Variants in EPB41L5 observed in about 807,000 individuals in gnomAD.
The protein encoded by EPB41L5 is erythrocyte membrane protein band 4.1 like 5.
A neutral mutation model predicts 106.6 loss-of-function variants in EPB41L5; 55 were observed. That is an observed-to-expected ratio of 0.52 (90% confidence interval 0.42 to 0.65). The LOEUF (loss-of-function observed/expected upper bound fraction) is 0.65. Ranked by LOEUF, EPB41L5 falls within the 30% of genes least tolerant of loss-of-function variation. The pLI, the probability that EPB41L5 is intolerant of heterozygous loss-of-function variation, is 0.00. For missense variants in EPB41L5, 871 were observed against 882.1 expected (o/e 0.99, Z 0.16); for synonymous variants, 297 against 306.7 (o/e 0.97, Z 0.33).
At chr2:120,074,207 G>T (rs759218381) in intron 5 of EPB41L5, 29 bp downstream of exon 5, 5 of 1,540,116 alleles carry the variant, frequency 3.2e-6, no homozygotes, top group Non-Finnish European at 4.5e-6. Context: ...ATTGTGCCAG[G>T]GTTATTTTGA....
At chr2:120,079,415 C>T (rs745968356) in intron 10 of EPB41L5, among the ~76,000 whole-genome samples, 1 of 152,176 alleles carries the variant, frequency 6.6e-6, no homozygotes, top group Admixed American at 6.5e-5. Flanking sequence ...TCAGATCCCT[C>T]ACACTTAACT....
intron 20 of EPB41L5, among the ~76,000 whole-genome samples, chr2:120,160,042 AAAAC>A (rs1241225294): frequency 2.6e-5 from 4 of 152,202 alleles, no homozygotes; most frequent in African/African-American, 9.6e-5. Flanking sequence ...ATAGAGGTGA[AAAAC>A]AGACAGTGGA....
intron 1 of EPB41L5, among the ~76,000 whole-genome samples, chr2:120,018,154 A>G (rs186770932): frequency 2.6e-5 from 4 of 151,374 alleles, no homozygotes; most frequent in African/African-American, 9.7e-5. Flanking sequence ...TTTTTAGTAG[A>G]GACGGGGTTT....
At chr2:120,141,332 A>G (rs992505848) in intron 18 of EPB41L5, among the ~76,000 whole-genome samples, 6 of 152,106 alleles carry the variant, frequency 3.9e-5, no homozygotes, top group African/African-American at 1.4e-4. Flanking sequence ...TCCCAGGTCT[A>G]TTATGCTAAT....
At chr2:120,039,221 G>A (rs188751774) in intron 2 of EPB41L5, among the ~76,000 whole-genome samples, 19 of 152,104 alleles carry the variant, frequency 1.2e-4, no homozygotes, top group African/African-American at 2.2e-4. Context: ...TACATGGGAT[G>A]GGCAAATTCT....
chr2:120,021,337 C>CA (rs57239546), intron 2 of EPB41L5, among the ~76,000 whole-genome samples: 15 of 148,828 alleles, frequency 1.0e-4, no homozygotes, highest in Admixed American at 4.7e-4. Flanking sequence ...GACTCCGTCT[C>CA]AAAAAAAAAG....
intron 16 of EPB41L5, among the ~76,000 whole-genome samples, chr2:120,116,979 A>T (rs1339194500): frequency 6.6e-6 from 1 of 152,208 alleles, no homozygotes. Flanking sequence ...AAAATAATAA[A>T]AACATCTTGG....
intron 3 of EPB41L5, among the ~76,000 whole-genome samples, chr2:120,071,638 A>G (rs769031504): frequency 2.6e-5 from 4 of 152,180 alleles, no homozygotes; most frequent in Non-Finnish European, 2.9e-5. Flanking sequence ...ATCCACAACC[A>G]TCTTATCTTT....
At chr2:120,139,766 A>G (rs546900388) in intron 18 of EPB41L5, among the ~76,000 whole-genome samples, 5 of 151,840 alleles carry the variant, frequency 3.3e-5, no homozygotes, top group Admixed American at 1.3e-4. Flanking sequence ...GAGTGCCTCA[A>G]AAACCCAAAA....
chr2:120,168,070 A>G, intron 24 of EPB41L5, 63 bp downstream of exon 24: 2 of 1,544,902 alleles, frequency 1.3e-6, no homozygotes, highest in South Asian at 2.3e-5. Context: ...AAATAATAAA[A>G]CTTATTATCT....
At chr2:120,084,492 C>T (rs1682918412) in intron 10 of EPB41L5, among the ~76,000 whole-genome samples, 1 of 152,194 alleles carries the variant, frequency 6.6e-6, no homozygotes, top group Non-Finnish European at 1.5e-5. Context: ...GCCGAGAGAT[C>T]TGCTGTTAGT....
chr2:120,025,576 A>C (rs192168079), intron 2 of EPB41L5, among the ~76,000 whole-genome samples: 1 of 152,216 alleles, frequency 6.6e-6, no homozygotes, highest in Admixed American at 6.5e-5. Flanking sequence ...AACAATTTTT[A>C]TATACCTACT....
chr2:120,074,294 A>G (rs1270721574), intron 5 of EPB41L5, 116 bp downstream of exon 5: 24 of 670,848 alleles, frequency 3.6e-5, no homozygotes, highest in Non-Finnish European at 6.0e-5. Context: ...CCCTGGTAAC[A>G]AGACCTCAAA....
intron 3 of EPB41L5, among the ~76,000 whole-genome samples, chr2:120,048,617 A>AT (rs905675217): frequency 7.7e-4 from 117 of 151,276 alleles, no homozygotes; most frequent in African/African-American, 2.5e-3. Flanking sequence ...GCATTGATTG[A>AT]TTTTTTTGAA....
rs373291353 is a variant in EPB41L5, at chr2:120,061,413, C to T, written c.286-11765C>T. Among the ~76,000 whole-genome samples, 3 of 151,382 alleles carry T rather than the reference C, an allele frequency of 2.0e-5. No individual in the cohort carries two copies. In the South Asian group the frequency reaches 6.3e-4, roughly 32 times the overall value. ...AATTTTTTTGTATTTTTAGTAGAGA[C>T]GGGGTTTCACCGTTTTAGCCGGGAT... is the stretch of plus-strand genomic sequence containing the variant. On this transcript the variant is annotated intron_variant, in intron 3 of 24. Transcript: ENST00000263713.
intron 10 of EPB41L5, among the ~76,000 whole-genome samples, chr2:120,081,515 T>C (rs1365258499): frequency 1.3e-5 from 2 of 152,346 alleles, no homozygotes; most frequent in Admixed American, 1.3e-4. Flanking sequence ...ACTGTAGCCT[T>C]GTAATATAGT....
intron 16 of EPB41L5, among the ~76,000 whole-genome samples, chr2:120,115,736 A>T (rs1019640791): frequency 6.6e-6 from 1 of 152,100 alleles, no homozygotes; most frequent in Non-Finnish European, 1.5e-5. Flanking sequence ...CCTGGGGATT[A>T]TAATTAACAT....
rs1433822310 is a variant in EPB41L5 at position 120,175,160 on chromosome 2, G to A, written c.*253G>A. ...ACTTTTATAAATGTTACAAATTCCCGAAAGAAGGGAATTTCTTTTTCTGGG... is the reference window on the plus strand; with the variant it reads ...ACTTTTATAAATGTTACAAATTCCCAAAAGAAGGGAATTTCTTTTTCTGGG... On this transcript the variant is annotated 3_prime_UTR_variant, in exon 25 of 25. Coordinates refer to ENST00000263713, the MANE Select transcript of EPB41L5 (RefSeq NM_020909.4). 3 of 450,236 alleles carry A rather than the reference G, an allele frequency of 6.7e-6. No homozygotes were observed. Among genetic ancestry groups the A allele is most frequent in the South Asian group, 3.1e-5 (1 of 31,966 alleles). The allele number at this position is 450,236 out of a possible 1,614,324, so 27.9% of individuals were successfully genotyped here.
At chr2:120,030,612 G>A (rs1678640796) in intron 2 of EPB41L5, among the ~76,000 whole-genome samples, 1 of 152,160 alleles carries the variant, frequency 6.6e-6, no homozygotes, top group South Asian at 2.1e-4. Flanking sequence ...GAAGTGCAGT[G>A]GTACAATCTT....
Sources: gnomAD v4.1 joint callset for allele counts (sites outside exome capture counted in the v4.1 genomes callset) on GRCh38, gnomAD v4.1.1 for gene constraint, MANE v1.5 for transcripts, NCBI Gene and HGNC (gene_info 2026-07-23, HGNC 2026-07-21) for gene names.